USP9X: variants seen among roughly 807,000 people sequenced by gnomAD.
The protein encoded by USP9X is ubiquitin carboxyl-terminal hydrolase 9X.
In USP9X, 7 loss-of-function variants were observed where a neutral mutation model predicts 190.3. The observed-to-expected ratio is 0.04, with a 90% confidence interval of 0.02 to 0.07. The LOEUF is 0.07. Among genes scored for constraint, USP9X ranks in the 10% least tolerant of loss-of-function variants. The probability of loss-of-function intolerance (pLI) is 1.00; values close to 1 mark genes in which losing one functional copy is unlikely to be tolerated. For synonymous variants in USP9X, 645 were observed against 659.5 expected (o/e 0.98, Z 0.34); for missense variants, 1,010 against 1,916.9 (o/e 0.53, Z 8.83).
rs1322013957 is a variant in USP9X, at chrX:41,210,545, C to T, written c.5052C>T (p.His1684=). 1.7e-6 allele frequency: 2 copies of T among 1,209,553 alleles called. No homozygotes were observed. The highest frequency in any genetic ancestry group is 1.7e-5 in the African/African-American group (1 of 57,191). Residue 1684 remains histidine (H), a synonymous_variant, in exon 33 of 45, where the codon CAC becomes CAT. Transcript: ENST00000378308. ...WGEPVNLREQ[H]DALEFFNSLV... Reference sequence around the variant, plus strand: ...AGCCTGTTAATCTGCGTGAACAACACGATGCTTTAGAATTTTTTAATTCAT... The same window carrying T: ...AGCCTGTTAATCTGCGTGAACAACATGATGCTTTAGAATTTTTTAATTCAT...
chrX:41,216,240 T>C lies in USP9X; in HGVS notation c.5673T>C (p.Asp1891=). 8.3e-7 allele frequency: 1 copy of C among 1,211,203 alleles called. No homozygotes were observed. The highest frequency in any genetic ancestry group is 1.1e-6 in the Non-Finnish European group (1 of 895,399). ...ACATCATCCAAAGGAATGGTGGAGA[T>C]GGTGAGAGAAATCGCTGGTATAAAT... ...YSYIIQRNGG[D]GERNRWYKFD... The change falls in exon 35 of 45, where the codon GAT becomes GAC. Residue 1891 remains aspartate, a synonymous_variant. Transcript: ENST00000378308.
chrX:41,220,943 CAA>C (rs773698592), intron 38 of USP9X, among the ~76,000 whole-genome samples: 3 of 54,719 alleles, frequency 5.5e-5, no homozygotes, highest in Admixed American at 2.2e-4. Context: ...GACTCCGTCT[CAA>C]AAAAAAAAAA....
intron 21 of USP9X, among the ~76,000 whole-genome samples, chrX:41,179,204 AGTT>A (rs1423293529): frequency 9.0e-6 from 1 of 111,435 alleles, no homozygotes; most frequent in Admixed American, 9.5e-5. Context: ...AGTCTTTTGT[AGTT>A]CCATATGAAT....
chrX:41,159,411 A>C (rs1254821865), intron 14 of USP9X, among the ~76,000 whole-genome samples: 2 of 112,399 alleles, frequency 1.8e-5, no homozygotes, highest in Non-Finnish European at 3.8e-5. Flanking sequence ...ACCCATTCCC[A>C]GTTACATACC....
intron 1 of USP9X, among the ~76,000 whole-genome samples, chrX:41,091,302 A>G (rs1198727457): frequency 1.8e-5 from 2 of 112,184 alleles, no homozygotes; most frequent in South Asian, 3.7e-4. Context: ...AATTCTTGGC[A>G]TACTGGCTTT....
chrX:41,187,913 A>AAAGTGAAAC (rs1245021338), intron 24 of USP9X, 79 bp from the exon 25 acceptor site: 21 of 1,039,649 alleles, frequency 2.0e-5, no homozygotes, highest in Middle Eastern at 3.7e-4. Context: ...TTTCCTTTAC[A>AAAGTGAAAC]AAGTGAAACA....
At chrX:41,110,452 C>G (rs1293631567) in intron 1 of USP9X, among the ~76,000 whole-genome samples, 1 of 111,686 alleles carries the variant, frequency 9.0e-6, no homozygotes, top group Non-Finnish European at 1.9e-5. Context: ...GTTTCCCCCT[C>G]CCTTTTCTGA....
At position 41,085,720 on chromosome X, in the gene USP9X, A is replaced by C; in HGVS notation, c.-548A>C. On this transcript the variant is annotated 5_prime_UTR_variant, in exon 1 of 45. Coordinates refer to ENST00000378308, the MANE Select transcript of USP9X (RefSeq NM_001039591.3). ...AAGCCACCAGGCCTGGAGCGGGGACAGAGGCGGCGACTAGGGGAAGGTGAA... is the reference window on the plus strand; with the variant it reads ...AAGCCACCAGGCCTGGAGCGGGGACCGAGGCGGCGACTAGGGGAAGGTGAA... 1 of 296,949 alleles carries C rather than the reference A, an allele frequency of 3.4e-6. No individual in the cohort carries two copies. The highest frequency in any genetic ancestry group is 5.9e-6 in the Non-Finnish European group (1 of 170,034). 24.5% of individuals were successfully genotyped at this position (296,949 alleles called of 1,213,427 possible). A position where few individuals can be genotyped will look rare whatever the true frequency, so the allele number is the denominator to read the frequency against.
intron 1 of USP9X, among the ~76,000 whole-genome samples, chrX:41,101,229 C>G (rs111618634): frequency 2.7e-5 from 3 of 109,770 alleles, no homozygotes; most frequent in South Asian, 3.8e-4. Context: ...ATTAGCCCTT[C>G]CGGTGTTAAT....
At chrX:41,214,404 A>G (rs1252578652) in intron 33 of USP9X, among the ~76,000 whole-genome samples, 164 bp from the exon 34 acceptor site, 6 of 111,581 alleles carry the variant, frequency 5.4e-5, no homozygotes, top group Non-Finnish European at 1.1e-4. Context: ...CAGCAAACCA[A>G]CATGGCACAT....
rs1242414542 is a variant in USP9X, at chrX:41,143,460, G to C, written c.1314+17G>C. 1.7e-6 allele frequency: 2 copies of C among 1,146,248 alleles called. No homozygotes were observed. The highest frequency in any genetic ancestry group is 2.7e-5 in the Admixed American group (1 of 37,187). The allele number at this position is 1,146,248 out of a possible 1,213,427, so 94.5% of individuals were successfully genotyped here. A position where few individuals can be genotyped will look rare whatever the true frequency, so the allele number is the denominator to read the frequency against. On this transcript the variant is annotated intron_variant, in intron 10 of 44. Transcript: ENST00000378308. ...GCAGCACAGGTAAGGAATTTAAGATGATGGCTATTTAGTTTTTAAAATAAA... is the reference window on the plus strand; with the variant it reads ...GCAGCACAGGTAAGGAATTTAAGATCATGGCTATTTAGTTTTTAAAATAAA...
intron 4 of USP9X, among the ~76,000 whole-genome samples, chrX:41,133,977 A>G (rs1256728893): frequency 8.9e-6 from 1 of 112,144 alleles, no homozygotes; most frequent in Non-Finnish European, 1.9e-5. Flanking sequence ...CTTCTTTGCT[A>G]AGCATGTTCT....
intron 4 of USP9X, 61 bp downstream of exon 4, chrX:41,131,597 C>G (rs946058389): frequency 1.4e-5 from 14 of 1,032,786 alleles, no homozygotes; most frequent in Non-Finnish European, 1.2e-5. Context: ...TTTACTTTAT[C>G]CCAAAAGCGG....
chrX:41,126,316 AT>A (rs2062251179), intron 2 of USP9X, among the ~76,000 whole-genome samples: 1 of 112,129 alleles, frequency 8.9e-6, no homozygotes, highest in African/African-American at 3.2e-5. Context: ...TTCCTGTGAC[AT>A]AAATTTGTTA....
intron 26 of USP9X, among the ~76,000 whole-genome samples, chrX:41,190,945 T>C (rs1247373030): frequency 8.9e-6 from 1 of 111,833 alleles, no homozygotes; most frequent in East Asian, 2.8e-4. Context: ...TGAATACCTA[T>C]GTAGGTTCAA....
At position 41,141,287 on chromosome X, in the gene USP9X, T is replaced by C. The variant is rs2062420664; in HGVS notation, c.1023-6T>C. ...AATCATACTTATCACTGAATTTTTC[T>C]TACAGATTATTGCAAATTTCTTCTT... is the stretch of plus-strand genomic sequence containing the variant. On this transcript the variant is annotated splice_region_variant and splice_polypyrimidine_tract_variant and intron_variant, in intron 8 of 44. Coordinates refer to ENST00000378308, the MANE Select transcript of USP9X (RefSeq NM_001039591.3). 1.7e-6 allele frequency: 2 copies of C among 1,196,325 alleles called. No individual in the cohort carries two copies. Among genetic ancestry groups the C allele is most frequent in the African/African-American group, 3.5e-5 (2 of 56,657 alleles).
rs575397358 is a variant in USP9X at position 41,136,635 on chromosome X, A to C, written c.436-169A>C. 9.8e-5 allele frequency among the ~76,000 whole-genome samples: 11 copies of C among 112,617 alleles called. 1 individual carries two copies. The South Asian group carries it at 4.0e-3, about 41-fold the overall frequency. ...TTTGAAAGTACCATATAAATTATGA[A>C]GTAAACAAATTCTAATTTGTCCTTT... On this transcript the variant is annotated intron_variant, in intron 5 of 44. Coordinates refer to ENST00000378308, the MANE Select transcript of USP9X (RefSeq NM_001039591.3).
chrX:41,197,970 C>T (rs1002760090), intron 29 of USP9X, among the ~76,000 whole-genome samples: 1 of 111,867 alleles, frequency 8.9e-6, no homozygotes, highest in African/African-American at 3.2e-5. Flanking sequence ...GCTGAGATCG[C>T]ACCACTGCAC....
At position 41,215,908 on chromosome X, in the gene USP9X, G is replaced by A; in HGVS notation, c.5341G>A (p.Val1781Ile). ...GTCTTGTTTATTTTAGGTTGATACC[G>A]TAAAGCGCTTGCTGATTAAAAAATT... ...CEKCNKKVDTVKRLLIKKLPP... is the reference protein window; with the variant it reads ...CEKCNKKVDTIKRLLIKKLPP... Residue 1781 changes from valine (V) to isoleucine (I), a missense_variant, in exon 35 of 45, where the codon GTA becomes ATA. By Grantham distance (29) the Val-to-Ile change is conservative (BLOSUM62 3). This residue lies in a region of USP9X where 120 missense variants were observed against 342.7 expected (regional missense o/e 0.35). Transcript: ENST00000378308. The A allele has an allele frequency of 1.7e-6, 2 of 1,207,207 alleles. No homozygotes were observed. Among genetic ancestry groups the A allele is most frequent in the Non-Finnish European group, 2.2e-6 (2 of 893,671 alleles).
Sources: gnomAD v4.1 joint callset for allele counts (sites outside exome capture counted in the v4.1 genomes callset) on GRCh38, gnomAD v4.1.1 for gene constraint, gnomAD v4.1.1 regional missense constraint, MANE v1.5 for transcripts, NCBI Gene and HGNC (gene_info 2026-07-23, HGNC 2026-07-21) for gene names.